Variants in SOHLH2 observed in about 807,000 individuals in gnomAD.
SOHLH2 encodes the protein spermatogenesis- and oogenesis-specific basic helix-loop-helix-containing protein 2.
Under a neutral mutation model 50.4 loss-of-function variants are expected in SOHLH2, and 22 were observed. The ratio of observed to expected loss-of-function variants is 0.44; its 90% CI spans 0.31 to 0.62. The LOEUF (loss-of-function observed/expected upper bound fraction) is 0.62, where lower values mean the gene tolerates loss of function less well. Among genes scored for constraint, SOHLH2 ranks in the 20% least tolerant of loss-of-function variants. The probability of loss-of-function intolerance (pLI) is 0.08; values close to 1 mark genes in which losing one functional copy is unlikely to be tolerated. For synonymous variants in SOHLH2, 185 were observed against 187.3 expected (o/e 0.99, Z 0.10); for missense variants, 412 against 504.4 (o/e 0.82, Z 1.76).
At chr13:36,188,482 G>A (rs1423867034) in intron 6 of SOHLH2, among the ~76,000 whole-genome samples, 1 of 152,098 alleles carries the variant, frequency 6.6e-6, no homozygotes, top group Non-Finnish European at 1.5e-5. Context: ...CTGTGTTCCT[G>A]TCTTTCTTTC....
At chr13:36,178,136 C>T (rs992671015) in intron 6 of SOHLH2, among the ~76,000 whole-genome samples, 5 of 152,062 alleles carry the variant, frequency 3.3e-5, no homozygotes, top group Admixed American at 6.5e-5. Context: ...AGCCACATTT[C>T]GAATACTCAA....
At chr13:36,209,447 C>T (rs1195386637) in intron 1 of SOHLH2, among the ~76,000 whole-genome samples, 1 of 152,014 alleles carries the variant, frequency 6.6e-6, no homozygotes, top group Non-Finnish European at 1.5e-5. Context: ...TTGGGAAGTC[C>T]AAGATCACAG....
intron 6 of SOHLH2, among the ~76,000 whole-genome samples, chr13:36,179,605 G>A (rs1887194553): frequency 6.6e-6 from 1 of 151,772 alleles, no homozygotes; most frequent in South Asian, 2.1e-4. Context: ...TAGAGGCGAG[G>A]TTTTGCCATG....
intron 9 of SOHLH2, among the ~76,000 whole-genome samples, chr13:36,172,179 C>T (rs1566034541): frequency 6.6e-6 from 1 of 152,160 alleles, no homozygotes; most frequent in Admixed American, 6.5e-5. Flanking sequence ...AATGCTGGGG[C>T]ATAGAAAGGC....
intron 8 of SOHLH2, 92 bp from the exon 9 acceptor site, chr13:36,173,902 T>A: frequency 7.1e-7 from 1 of 1,408,444 alleles, no homozygotes; most frequent in South Asian, 1.3e-5. Flanking sequence ...ATTCAAGTTC[T>A]AAAAACACTG....
At chr13:36,172,313 A>G (rs1886981478) in intron 9 of SOHLH2, among the ~76,000 whole-genome samples, 1 of 152,234 alleles carries the variant, frequency 6.6e-6, no homozygotes, top group Non-Finnish European at 1.5e-5. Flanking sequence ...GATTTAATCT[A>G]AGCTGATTTA....
intron 6 of SOHLH2, among the ~76,000 whole-genome samples, chr13:36,181,310 C>G (rs76470356): frequency 0.021 from 3,145 of 152,082 alleles, 89 homozygotes; most frequent in African/African-American, 0.072. Context: ...TTTATCTATT[C>G]TGAAAACTTC....
At position 36,170,763 on chromosome 13, in the gene SOHLH2, T is replaced by G. The variant is rs756615235; in HGVS notation, c.1025A>C (p.Asn342Thr). The G allele has an allele frequency of 6.2e-7, 1 of 1,613,854 alleles. No homozygotes were observed. The highest frequency in any genetic ancestry group is 1.1e-5 in the South Asian group (1 of 91,078). The change falls in exon 10 of 11, where the codon AAT (asparagine) becomes ACT (threonine). Residue 342 changes from asparagine to threonine, a missense_variant. Coordinates refer to ENST00000379881, the MANE Select transcript of SOHLH2 (RefSeq NM_017826.3). ...AGTTTTATATGGATCACCAATAGCA[T>G]TCTCTGAGGCGGAGCTTGATGGAAC... Reference protein sequence around the residue: ...VRVPSSSASENAIGDPYKTHI... With the variant: ...VRVPSSSASETAIGDPYKTHI...
intron 5 of SOHLH2, among the ~76,000 whole-genome samples, chr13:36,191,304 G>A (rs1233320809): frequency 2.0e-5 from 3 of 152,038 alleles, no homozygotes; most frequent in African/African-American, 7.2e-5. Context: ...AGCTACATGA[G>A]GTACGTAAAA....
Position 36,193,736 on chromosome 13 carries a change from T to C in SOHLH2, c.326-11A>G. 6.2e-7 allele frequency: 1 copy of C among 1,607,622 alleles called. No individual in the cohort carries two copies. Among genetic ancestry groups the C allele is most frequent in the Non-Finnish European group, 8.5e-7 (1 of 1,178,306 alleles). ...GCCCTGAAATACAACCTAAGAATCTTTATATTAAATATTGACCTTATAGTT... is the reference window on the plus strand; with the variant it reads ...GCCCTGAAATACAACCTAAGAATCTCTATATTAAATATTGACCTTATAGTT... On this transcript the variant is annotated splice_polypyrimidine_tract_variant and intron_variant, in intron 3 of 10. Transcript: ENST00000379881.
At position 36,180,773 on chromosome 13, in the gene SOHLH2, C is replaced by T. The variant is rs559224067; in HGVS notation, c.642-5904G>A. 8.6e-5 allele frequency among the ~76,000 whole-genome samples: 13 copies of T among 151,818 alleles called. No individual in the cohort carries two copies. The East Asian group carries it at 2.3e-3, about 27-fold the overall frequency. On this transcript the variant is annotated intron_variant, in intron 6 of 10. Transcript: ENST00000379881. ...TTCAACTCTTTTGAATGTTTTGAAG[C>T]TTCTTATATCCCCACCGGTATGCAG... is the stretch of plus-strand genomic sequence containing the variant.
chr13:36,214,471 C>A lies in SOHLH2; in HGVS notation c.48+8G>T. 1 of 1,612,578 alleles carries A rather than the reference C, an allele frequency of 6.2e-7. No homozygotes were observed. Among genetic ancestry groups the A allele is most frequent in the Non-Finnish European group, 8.5e-7 (1 of 1,179,372 alleles). Reference sequence around the variant, plus strand: ...AACGCAGCTGCCTCCCCTTCCACAGCCTCTTACCTGGCCCGAGATCTGGCA... The same window carrying A: ...AACGCAGCTGCCTCCCCTTCCACAGACTCTTACCTGGCCCGAGATCTGGCA... On this transcript the variant is annotated splice_region_variant and intron_variant, in intron 1 of 10. Coordinates refer to ENST00000379881, the MANE Select transcript of SOHLH2 (RefSeq NM_017826.3).
chr13:36,203,574 A>G (rs904777224), intron 1 of SOHLH2, among the ~76,000 whole-genome samples: 1 of 152,194 alleles, frequency 6.6e-6, no homozygotes, highest in Non-Finnish European at 1.5e-5. Context: ...AGAAAATCAG[A>G]AAGTAAACTT....
chr13:36,186,962 C>T (rs763612431), intron 6 of SOHLH2, among the ~76,000 whole-genome samples: 2 of 151,948 alleles, frequency 1.3e-5, no homozygotes, highest in African/African-American at 2.4e-5. Context: ...CTAGAAGCAA[C>T]GATTTCAGAT....
Position 36,174,747 on chromosome 13 carries a change from T to G in SOHLH2, c.764A>C (p.Lys255Thr), listed in dbSNP as rs969292295. The change falls in exon 7 of 11, where the codon AAA becomes ACA. Residue 255 changes from lysine (K) to threonine (T), a missense_variant. Coordinates refer to ENST00000379881, the MANE Select transcript of SOHLH2 (RefSeq NM_017826.3). ...TVDYVKYIRE[K>T]ISPAVMAQIT... is the part of the protein sequence containing the mutation. ...CTGGGCCATAACGGCTGGAGAGATT[T>G]TCTCCCGGATATATTTCACATAATC... is the stretch of plus-strand genomic sequence containing the variant. 7 of 1,608,302 alleles carry G rather than the reference T, an allele frequency of 4.4e-6. No individual in the cohort carries two copies. In the Admixed American group the frequency reaches 1.2e-4, roughly 27 times the overall value.
intron 1 of SOHLH2, among the ~76,000 whole-genome samples, chr13:36,209,755 T>C (rs1365693033): frequency 6.6e-6 from 1 of 152,246 alleles, no homozygotes; most frequent in African/African-American, 2.4e-5. Flanking sequence ...TGCATTCGTC[T>C]AGTTCTGTTA....
chr13:36,179,333 G>A (rs1887183406), intron 6 of SOHLH2, among the ~76,000 whole-genome samples: 4 of 152,206 alleles, frequency 2.6e-5, no homozygotes, highest in Admixed American at 2.0e-4. Flanking sequence ...GGTATATTGA[G>A]CATTGTCAAA....
chr13:36,201,048 C>CAAAA (rs10660002), intron 2 of SOHLH2, among the ~76,000 whole-genome samples: 39 of 55,860 alleles, frequency 7.0e-4, no homozygotes, highest in East Asian at 1.1e-3. Flanking sequence ...GACTCTGCCT[C>CAAAA]AAAAAAAAAA....
chr13:36,181,251 G>A (rs572209264), intron 6 of SOHLH2, among the ~76,000 whole-genome samples: 1 of 152,032 alleles, frequency 6.6e-6, no homozygotes, highest in East Asian at 1.9e-4. Context: ...TATATTTAAA[G>A]CTTCTCTGTT....
Sources: gnomAD v4.1 joint callset for allele counts (sites outside exome capture counted in the v4.1 genomes callset) on GRCh38, gnomAD v4.1.1 for gene constraint, MANE v1.5 for transcripts, NCBI Gene and HGNC (gene_info 2026-07-23, HGNC 2026-07-21) for gene names.